The following CCNH variants were observed in gnomAD, a reference collection of about 807,000 sequenced individuals.
CCNH encodes cyclin H.
CCNH carries 31 observed loss-of-function variants against 41.9 expected under a neutral mutation model. That is an observed-to-expected ratio of 0.74 (90% CI 0.56 to 1.00). The LOEUF (loss-of-function observed/expected upper bound fraction) is 1.00, where lower values mean the gene tolerates loss of function less well. Ranked by LOEUF, CCNH falls within the 50% of genes least tolerant of loss-of-function variation. The pLI is 0.00. For missense variants in CCNH, 362 were observed against 388.4 expected (o/e 0.93, Z 0.57); for synonymous variants, 138 against 136.1 (o/e 1.01, Z -0.10).
chr5:87,353,055 A>T lies in CCNH; in HGVS notation c.*91-34158T>A, dbSNP rs74527427. ...ATTTGTGTTATGTGCTTTGAAAAAA[A>T]TTTGCTAATTAGATAATCCTTGGCA... On this transcript the variant is annotated intron_variant and NMD_transcript_variant, in intron 9 of 9. Transcript: ENST00000645953. 2.7e-4 allele frequency: 222 copies of T among 821,674 alleles called. 5 individuals are homozygous for T. In the East Asian group the frequency reaches 3.1e-3, roughly 12 times the overall value. The allele number at this position is 821,674 out of a possible 1,614,324, so 50.9% of individuals were successfully genotyped here.
chr5:87,404,908 G>T lies in CCNH; in HGVS notation c.625C>A (p.Pro209Thr), dbSNP rs768375371. 1 of 1,613,514 alleles carries T rather than the reference G, an allele frequency of 6.2e-7. No homozygotes were observed. Among genetic ancestry groups the T allele is most frequent in the South Asian group, 1.1e-5 (1 of 91,058 alleles). The change falls in exon 5 of 9, where the codon CCT (proline) becomes ACT (threonine). Residue 209 changes from proline (P) to threonine (T), a missense_variant. Coordinates refer to ENST00000256897, the MANE Select transcript of CCNH (RefSeq NM_001239.4). ...ALTDAYLLYT[P>T]SQIALTAILS... ...ATGGCAGTCAGGGCAATTTGGGAAG[G>T]TGTGTATAAAAGGTAAGCATCCGTC...
intron 9 of CCNH, among the ~76,000 whole-genome samples, chr5:87,348,324 G>C (rs1170188408): frequency 1.3e-5 from 2 of 151,996 alleles, no homozygotes; most frequent in African/African-American, 4.8e-5. Context: ...AATAATCTAA[G>C]CATTCATTGT....
chr5:87,404,454 G>A (rs1763641414), intron 5 of CCNH, among the ~76,000 whole-genome samples: 1 of 152,202 alleles, frequency 6.6e-6, no homozygotes, highest in Non-Finnish European at 1.5e-5. Flanking sequence ...CTAATTGGCT[G>A]CTAGCTTGTG....
At chr5:87,389,331 C>CA (rs1443971696), downstream of CCNH, 166 of 1,587,936 alleles carry the variant, frequency 1.0e-4, no homozygotes, top group Middle Eastern at 3.4e-4. Flanking sequence ...AACTCTGTCT[C>CA]AAAAAAAACA....
At chr5:87,392,477 T>C, downstream of CCNH, 1 of 398,644 alleles carries the variant, frequency 2.5e-6, no homozygotes, top group Non-Finnish European at 5.0e-6. Flanking sequence ...ATCAAATTAC[T>C]CTCCTTTCCA....
chr5:87,400,894 T>TA (rs1445739946), intron 6 of CCNH, among the ~76,000 whole-genome samples: 3 of 152,124 alleles, frequency 2.0e-5, no homozygotes, highest in Non-Finnish European at 2.9e-5. Flanking sequence ...AGCCAATAAG[T>TA]AAAGTAGAGA....
intron 6 of CCNH, among the ~76,000 whole-genome samples, chr5:87,399,928 A>C (rs1409018126): frequency 6.6e-6 from 1 of 152,246 alleles, no homozygotes; most frequent in Non-Finnish European, 1.5e-5. Context: ...TTTTCAAAGG[A>C]AACTGTTATT....
intron 9 of CCNH, chr5:87,363,543 T>A: frequency 6.3e-7 from 1 of 1,590,308 alleles, no homozygotes; most frequent in Non-Finnish European, 8.6e-7. Context: ...CGGAATTGTC[T>A]TAATAATAAA....
chr5:87,376,479 G>A, exon 1 of CCNH: 1 of 1,613,992 alleles, frequency 6.2e-7, no homozygotes, highest in Non-Finnish European at 8.5e-7. Flanking sequence ...ACCATTAAAA[G>A]GTATTGAACC....
At chr5:87,385,213 A>AAGAAATAT in intron 9 of CCNH, 1 of 872,862 alleles carries the variant, frequency 1.1e-6, no homozygotes, top group Non-Finnish European at 1.9e-6. Context: ...TTTAACAGTA[A>AAGAAATAT]AGAAATATTA....
At chr5:87,372,200 A>G (rs1294232515), downstream of CCNH, 1 of 1,612,314 alleles carries the variant, frequency 6.2e-7, no homozygotes, top group Non-Finnish European at 8.5e-7. Flanking sequence ...CGTCAGGTGA[A>G]GCTTAATTTT....
In CCNH at chr5:87,408,071, G is replaced by A; in HGVS notation, c.430C>T (p.Leu144=). ...TGTATAAGAAGTAGTTCATATTCCA[G>A]TATCTGTTCAAGTGCCTTCTCCTGT... ...LGQEKALEQI[L]EYELLLIQQL... The change falls in exon 4 of 9, where the codon CTG becomes TTG. Residue 144 remains leucine, a synonymous_variant. Coordinates refer to ENST00000256897, the MANE Select transcript of CCNH (RefSeq NM_001239.4). The A allele has an allele frequency of 6.2e-7, 1 of 1,613,110 alleles. No individual in the cohort carries two copies. The highest frequency in any genetic ancestry group is 8.5e-7 in the Non-Finnish European group (1 of 1,179,082).
downstream of CCNH, chr5:87,392,427 C>T (rs575216085): frequency 2.9e-4 from 131 of 446,030 alleles, no homozygotes; most frequent in African/African-American, 2.3e-3. Context: ...TCCTTGAAAT[C>T]AGCTCAATTC....
intron 9 of CCNH, chr5:87,337,836 C>T (rs1758083198): frequency 1.1e-6 from 1 of 873,810 alleles, no homozygotes; most frequent in African/African-American, 1.7e-5. Context: ...AAATAGGATA[C>T]AAATTTAGGG....
In CCNH at chr5:87,341,294, G is replaced by A. The variant is rs759265277; in HGVS notation, c.*91-22397C>T. ...GTCTTAATGTCTTCCCTTTAGGGCC[G>A]GGAAGAAGATCCACATGAAGGAAAA... On this transcript the variant is annotated intron_variant and NMD_transcript_variant, in intron 9 of 9. Transcript: ENST00000645953. 9.7e-6 allele frequency: 13 copies of A among 1,342,820 alleles called. No homozygotes were observed. Among genetic ancestry groups the A allele is most frequent in the South Asian group, 6.6e-5 (3 of 45,372 alleles). 83.2% of individuals were successfully genotyped at this position (1,342,820 alleles called of 1,614,324 possible). A position where few individuals can be genotyped will look rare whatever the true frequency, so the allele number is the denominator to read the frequency against.
chr5:87,311,846 G>T, the CCNH span, among the ~76,000 whole-genome samples: 1 of 152,202 alleles, frequency 6.6e-6, no homozygotes, highest in African/African-American at 2.4e-5. Context: ...AATCTGTATG[G>T]TGTGGCTGAA....
downstream of CCNH, chr5:87,389,262 C>T (rs545352763): frequency 1.6e-4 from 187 of 1,155,266 alleles, 1 homozygote; most frequent in African/African-American, 2.3e-3. Flanking sequence ...ACCCGGGAGG[C>T]GGAGGTTGCA....
chr5:87,329,402 A>C (rs933663503), intron 9 of CCNH, among the ~76,000 whole-genome samples: 2 of 152,124 alleles, frequency 1.3e-5, no homozygotes, highest in African/African-American at 2.4e-5. Flanking sequence ...AGATCGTACC[A>C]GTGTACTCCA....
At chr5:87,319,203 C>A (rs1274853980) in intron 9 of CCNH, among the ~76,000 whole-genome samples, 1 of 152,246 alleles carries the variant, frequency 6.6e-6, no homozygotes, top group African/African-American at 2.4e-5. Flanking sequence ...GTGCCTGCAA[C>A]TTTTGCAGGC....
Sources: gnomAD v4.1 joint callset for allele counts (sites outside exome capture counted in the v4.1 genomes callset) on GRCh38, gnomAD v4.1.1 for gene constraint, MANE v1.5 for transcripts, NCBI Gene and HGNC (gene_info 2026-07-23, HGNC 2026-07-21) for gene names.